The following MGAT4C variants were observed in gnomAD, a reference collection of about 807,000 sequenced individuals.
The protein encoded by MGAT4C is alpha-1,3-mannosyl-glycoprotein 4-beta-N-acetylglucosaminyltransferase C.
In MGAT4C, 19 loss-of-function variants were observed where a neutral mutation model predicts 40.1. The ratio of observed to expected loss-of-function variants is 0.47; its 90% CI spans 0.33 to 0.70. The LOEUF is 0.70. Ranked by LOEUF, MGAT4C falls within the 30% of genes least tolerant of loss-of-function variation. The pLI is 0.02. For synonymous variants in MGAT4C, 181 were observed against 187.1 expected, an observed-to-expected ratio of 0.97 and a Z score of 0.27; for missense variants, 491 against 563.2, an observed-to-expected ratio of 0.87 and a Z score of 1.30.
At chr12:86,702,605 T>C (rs1182758749) in intron 2 of MGAT4C, among the ~76,000 whole-genome samples, 1 of 152,222 alleles carries the variant, frequency 6.6e-6, no homozygotes, top group Non-Finnish European at 1.5e-5. Context: ...AAAACCTGGA[T>C]AACAGCACAC....
intron 3 of MGAT4C, among the ~76,000 whole-genome samples, chr12:86,404,044 ATGG>A (rs1337104459): frequency 6.6e-6 from 1 of 152,122 alleles, no homozygotes; most frequent in African/African-American, 2.4e-5. Flanking sequence ...TTCACTGGTC[ATGG>A]TGGTGTTCAC....
intron 3 of MGAT4C, among the ~76,000 whole-genome samples, chr12:86,383,870 G>T (rs541261154): frequency 6.6e-6 from 1 of 152,284 alleles, no homozygotes; most frequent in African/African-American, 2.4e-5. Flanking sequence ...GAGGACATGA[G>T]ATTTGAGAGG....
chr12:85,988,687 A>G lies in MGAT4C; in HGVS notation c.147+713T>C, dbSNP rs530428448. ...AGACATGAAATGATGTGATGATAAC[A>G]ATAAGAAAAAAATTGAAACTAACAT... is the stretch of plus-strand genomic sequence containing the variant. On this transcript the variant is annotated intron_variant, in intron 3 of 4. Transcript: ENST00000611864. Among the ~76,000 whole-genome samples the G allele has an allele frequency of 1.8e-4, 28 of 152,170 alleles. No homozygotes were observed. The South Asian group carries it at 5.6e-3, about 30-fold the overall frequency.
chr12:86,685,807 T>A (rs1231389615), intron 2 of MGAT4C, among the ~76,000 whole-genome samples: 1 of 152,004 alleles, frequency 6.6e-6, no homozygotes, highest in Non-Finnish European at 1.5e-5. Flanking sequence ...TGAATGGGAG[T>A]TCACTCATTA....
At chr12:86,606,827 T>C (rs895035235) in intron 2 of MGAT4C, among the ~76,000 whole-genome samples, 3 of 152,166 alleles carry the variant, frequency 2.0e-5, no homozygotes, top group Non-Finnish European at 4.4e-5. Context: ...CTTGGATGTT[T>C]GGTTTTTGTT....
intron 1 of MGAT4C, among the ~76,000 whole-genome samples, chr12:86,779,540 TGCAGTGAG>T (rs1565984807): frequency 6.6e-6 from 1 of 151,996 alleles, no homozygotes; most frequent in African/African-American, 2.4e-5. Context: ...AGTTTGAGGC[TGCAGTGAG>T]CCATGATGGC....
At chr12:86,645,230 C>T (rs1231060194) in intron 2 of MGAT4C, among the ~76,000 whole-genome samples, 2 of 151,544 alleles carry the variant, frequency 1.3e-5, no homozygotes, top group Non-Finnish European at 3.0e-5. Flanking sequence ...CAACCTTTAG[C>T]AGTGCATATT....
chr12:86,764,299 C>T lies in MGAT4C; in HGVS notation c.-261-37058G>A, dbSNP rs1330739830. Among the ~76,000 whole-genome samples, 8 of 152,132 alleles carry T rather than the reference C, an allele frequency of 5.3e-5. No homozygotes were observed. The East Asian group carries it at 5.8e-4, about 11-fold the overall frequency. On this transcript the variant is annotated intron_variant, in intron 1 of 7. Transcript: ENST00000548651. ...CTGAGATCAAACTGCAAGGCGGCAG[C>T]GAGGCTGGGGGAGGGGTGCCCGCCA...
intron 2 of MGAT4C, among the ~76,000 whole-genome samples, chr12:86,494,792 A>T (rs1030134269): frequency 6.6e-6 from 1 of 152,030 alleles, no homozygotes; most frequent in South Asian, 2.1e-4. Context: ...TAATAAAAAT[A>T]GGCAACTAGT....
intron 4 of MGAT4C, among the ~76,000 whole-genome samples, chr12:86,322,038 C>G (rs1267038135): frequency 3.3e-5 from 5 of 151,906 alleles, no homozygotes; most frequent in Non-Finnish European, 7.4e-5. Flanking sequence ...GAATACTATG[C>G]AGCCATAAAA....
chr12:86,321,522 A>C (rs1289535115), intron 4 of MGAT4C, among the ~76,000 whole-genome samples: 2 of 152,206 alleles, frequency 1.3e-5, no homozygotes, highest in Non-Finnish European at 2.9e-5. Context: ...GCTAATGAGT[A>C]AACTAAGACA....
intron 2 of MGAT4C, among the ~76,000 whole-genome samples, chr12:86,000,055 T>C (rs1472500188): frequency 6.6e-6 from 1 of 152,182 alleles, no homozygotes; most frequent in Non-Finnish European, 1.5e-5. Context: ...GATATGCTAA[T>C]TACCTTAATG....
intron 1 of MGAT4C, among the ~76,000 whole-genome samples, chr12:86,096,551 T>C (rs1444886185): frequency 2.0e-5 from 3 of 151,568 alleles, no homozygotes; most frequent in Non-Finnish European, 4.4e-5. Context: ...TTGTGAAATA[T>C]TTTTCTAAAA....
At chr12:86,082,468 C>A (rs1871013231) in intron 1 of MGAT4C, among the ~76,000 whole-genome samples, 1 of 152,084 alleles carries the variant, frequency 6.6e-6, no homozygotes. Flanking sequence ...TCTTCAGAGA[C>A]AATCTGGAGC....
intron 1 of MGAT4C, among the ~76,000 whole-genome samples, chr12:86,246,813 C>T (rs896145556): frequency 3.7e-4 from 57 of 152,170 alleles, no homozygotes; most frequent in African/African-American, 1.4e-3. Flanking sequence ...TATCAATTTC[C>T]TGCTGGACTC....
chr12:86,248,125 C>G (rs1199837536), intron 1 of MGAT4C, among the ~76,000 whole-genome samples: 1 of 152,064 alleles, frequency 6.6e-6, no homozygotes, highest in Non-Finnish European at 1.5e-5. Flanking sequence ...ACCTACATGT[C>G]TTATTTGCTC....
chr12:86,712,353 T>A (rs982494936), intron 2 of MGAT4C, among the ~76,000 whole-genome samples: 8 of 152,094 alleles, frequency 5.3e-5, no homozygotes, highest in Non-Finnish European at 8.8e-5. Context: ...AAGATGTTTA[T>A]CAGTTCTCGA....
intron 4 of MGAT4C, among the ~76,000 whole-genome samples, chr12:86,274,182 T>G (rs1953015023): frequency 6.6e-6 from 1 of 152,168 alleles, no homozygotes; most frequent in Non-Finnish European, 1.5e-5. Flanking sequence ...TCACTCATTA[T>G]CAGGAGAACA....
chr12:86,734,196 T>A (rs1395541476), intron 1 of MGAT4C, among the ~76,000 whole-genome samples: 1 of 152,054 alleles, frequency 6.6e-6, no homozygotes, highest in Non-Finnish European at 1.5e-5. Flanking sequence ...GAAGGGAGAT[T>A]GAAATAAAAA....
Sources: allele counts gnomAD v4.1 joint callset (sites outside exome capture counted in the v4.1 genomes callset), GRCh38; gene constraint gnomAD v4.1.1; transcripts MANE v1.5; gene names NCBI Gene and HGNC (gene_info 2026-07-23, HGNC 2026-07-21).